The following MAP3K15 variants were observed in gnomAD, a reference collection of about 807,000 sequenced individuals.
MAP3K15 encodes the protein mitogen-activated protein kinase kinase kinase 15, also known as MAPK/ERK kinase kinase 15.
MAP3K15 carries 124 observed loss-of-function variants against 99.5 expected under a neutral mutation model. That is an observed-to-expected ratio of 1.25 (90% CI 1.08 to 1.45). The LOEUF (loss-of-function observed/expected upper bound fraction) is 1.45. Ranked by LOEUF, MAP3K15 falls within the 40% of genes most tolerant of loss-of-function variation. The pLI is 0.00. For missense variants in MAP3K15, 1,242 were observed against 1,079.7 expected, an observed-to-expected ratio of 1.15 and a Z score of -2.11; for synonymous variants, 494 against 439.6, an observed-to-expected ratio of 1.12 and a Z score of -1.55.
chrX:19,372,641 T>G lies in MAP3K15; in HGVS notation c.3108+12A>C, dbSNP rs781483437. ...GAGCGGGAAGAGTCGGTGCCCTCCC[T>G]CGGGCAAATACCTGGGCCACACACT... On this transcript the variant is annotated intron_variant, in intron 22 of 28. Coordinates refer to ENST00000338883, the MANE Select transcript of MAP3K15 (RefSeq NM_001001671.4). The G allele has an allele frequency of 3.4e-6, 4 of 1,191,273 alleles. No individual in the cohort carries two copies. The Admixed American group carries it at 8.9e-5, about 27-fold the overall frequency.
At chrX:19,421,671 A>AT (rs1235109264) in intron 9 of MAP3K15, among the ~76,000 whole-genome samples, 4 of 93,694 alleles carry the variant, frequency 4.3e-5, no homozygotes, top group African/African-American at 2.4e-4. Flanking sequence ...TGGAATTGGA[A>AT]AAAACTACTT....
At chrX:19,483,257 CAAAAAAA>C (rs57191935) in intron 3 of MAP3K15, among the ~76,000 whole-genome samples, 1 of 52,616 alleles carries the variant, frequency 1.9e-5, no homozygotes, top group East Asian at 6.1e-4. Context: ...GACTCCATCT[CAAAAAAA>C]AAAAAAAAAA....
intron 10 of MAP3K15, chrX:19,414,457 G>C (rs73193528): frequency 6.6e-6 from 1 of 152,258 alleles, no homozygotes; most frequent in African/African-American, 3.2e-5. Context: ...AATTCTCAAC[G>C]CATAAATATG....
chrX:19,398,157 T>C, intron 15 of MAP3K15, 69 bp downstream of exon 15: 1 of 1,166,325 alleles, frequency 8.6e-7, no homozygotes, highest in East Asian at 3.0e-5. Flanking sequence ...CTCCACACCA[T>C]GAGCGGTGGG....
Position 19,372,695 on chromosome X carries a change from C to T in MAP3K15, c.3066G>A (p.Glu1022=), listed in dbSNP as rs371131820. The change falls in exon 22 of 29, where the codon GAG becomes GAA. Residue 1022 remains glutamate, a synonymous_variant. Coordinates refer to ENST00000338883, the MANE Select transcript of MAP3K15 (RefSeq NM_001001671.4). ...RAILYKILWE[E]QNQVASNLQE... ...GCAGGTTGGAAGCCACCTGGTTCTG[C>T]TCCTCCCAGAGGATTTTGTACAGGA... 2.5e-6 allele frequency: 3 copies of T among 1,211,395 alleles called. No individual in the cohort carries two copies. The highest frequency in any genetic ancestry group is 5.9e-5 in the East Asian group (2 of 33,799).
chrX:19,439,976 G>C (rs2063948001), intron 6 of MAP3K15, among the ~76,000 whole-genome samples: 1 of 111,504 alleles, frequency 9.0e-6, no homozygotes, highest in African/African-American at 3.3e-5. Context: ...GGAGGCACTG[G>C]GGGCAGAGGG....
At position 19,405,329 on chromosome X, in the gene MAP3K15, A is replaced by G. The variant is rs1162753014; in HGVS notation, c.1844+1859T>C. Among the ~76,000 whole-genome samples the G allele has an allele frequency of 6.3e-5, 7 of 111,942 alleles. No homozygotes were observed. The East Asian group carries it at 2.0e-3, about 31-fold the overall frequency. On this transcript the variant is annotated intron_variant, in intron 13 of 28. Coordinates refer to ENST00000338883, the MANE Select transcript of MAP3K15 (RefSeq NM_001001671.4). ...TGTTATGAGGCACTGAGAAGGACACAACATCATTTCTGTGATATTCCTGCC... is the reference window on the plus strand; with the variant it reads ...TGTTATGAGGCACTGAGAAGGACACGACATCATTTCTGTGATATTCCTGCC...
Position 19,400,618 on chromosome X carries a change from A to T in MAP3K15, c.1890T>A (p.Ser630Arg), listed in dbSNP as rs1263123247. 2 of 1,208,798 alleles carry T rather than the reference A, an allele frequency of 1.7e-6. No individual in the cohort carries two copies. Among genetic ancestry groups the T allele is most frequent in the South Asian group, 3.5e-5 (2 of 56,880 alleles). The change falls in exon 14 of 29, where the codon AGT becomes AGA. Residue 630 changes from serine to arginine, a missense_variant. Physicochemically the swap from Ser to Arg is moderately radical, Grantham distance 110 (BLOSUM62 -1). Coordinates refer to ENST00000338883, the MANE Select transcript of MAP3K15 (RefSeq NM_001001671.4). ...CGGTCTCTCCCTCCAGCTCCACCGT[A>T]CTGCCTGCTGTATTGGTTATCATCT... ...VKEMITNTAG[S>R]TVELEGETDG... is the part of the protein sequence containing the mutation.
At chrX:19,449,698 C>T (rs1262540543) in intron 6 of MAP3K15, among the ~76,000 whole-genome samples, 3 of 109,265 alleles carry the variant, frequency 2.7e-5, no homozygotes, top group African/African-American at 6.5e-5. Context: ...ACCAAACGAT[C>T]GCTTTTTTCT....
chrX:19,413,408 A>G lies in MAP3K15; in HGVS notation c.1647T>C (p.Asn549=). 4 of 1,208,967 alleles carry G rather than the reference A, an allele frequency of 3.3e-6. No individual in the cohort carries two copies. The highest frequency in any genetic ancestry group is 3.4e-6 in the Non-Finnish European group (3 of 893,940). Residue 549 remains asparagine, a synonymous_variant, in exon 11 of 29, where the codon AAT becomes AAC. Coordinates refer to ENST00000338883, the MANE Select transcript of MAP3K15 (RefSeq NM_001001671.4). ...VYQPSYVSIN[N]EAEERTVSLW... ...AAGAAACTGTTCTCTCCTCGGCTTCATTGTTTATGGAAACATAAGAAGGCT... is the reference window on the plus strand; with the variant it reads ...AAGAAACTGTTCTCTCCTCGGCTTCGTTGTTTATGGAAACATAAGAAGGCT...
intron 9 of MAP3K15, among the ~76,000 whole-genome samples, chrX:19,424,141 G>A (rs1444091379): frequency 9.1e-6 from 1 of 109,363 alleles, no homozygotes; most frequent in Non-Finnish European, 1.9e-5. Flanking sequence ...ATAACTAAGA[G>A]TGTAACAGCT....
In MAP3K15 at chrX:19,365,439, A is replaced by C. The variant is rs1240090759; in HGVS notation, c.3567-2589T>G. ...AGCTCTCCATACTTTGTTAAGCCTAAGCATAAAAATGGACAATTTCCCCTG... is the reference window on the plus strand; with the variant it reads ...AGCTCTCCATACTTTGTTAAGCCTACGCATAAAAATGGACAATTTCCCCTG... On this transcript the variant is annotated intron_variant, in intron 25 of 28. Coordinates refer to ENST00000338883, the MANE Select transcript of MAP3K15 (RefSeq NM_001001671.4). Among the ~76,000 whole-genome samples, 7 of 112,103 alleles carry C rather than the reference A, an allele frequency of 6.2e-5. No homozygotes were observed. The Admixed American group carries it at 6.6e-4, about 11-fold the overall frequency.
intron 9 of MAP3K15, among the ~76,000 whole-genome samples, chrX:19,417,638 G>A (rs1160838471): frequency 8.9e-6 from 1 of 112,043 alleles, no homozygotes; most frequent in Non-Finnish European, 1.9e-5. Context: ...CAGACAAAAG[G>A]CATCAGAATC....
chrX:19,369,752 T>TAA (rs199865806), intron 24 of MAP3K15, among the ~76,000 whole-genome samples: 1 of 109,797 alleles, frequency 9.1e-6, no homozygotes, highest in African/African-American at 3.3e-5. Context: ...CCGTCTCTAC[T>TAA]AAAAAAAATT....
intron 18 of MAP3K15, among the ~76,000 whole-genome samples, chrX:19,390,202 A>C (rs1365216160): frequency 9.0e-6 from 1 of 110,867 alleles, no homozygotes; most frequent in Admixed American, 9.8e-5. Context: ...ATAAGACCCA[A>C]GCTGTCCACC....
At chrX:19,413,693 GAA>G (rs2063708715) in intron 10 of MAP3K15, among the ~76,000 whole-genome samples, 2 of 38,065 alleles carry the variant, frequency 5.3e-5, no homozygotes, top group African/African-American at 1.1e-4. Context: ...GGGGGGTGGG[GAA>G]GATGAAAGGA....
chrX:19,447,691 G>A (rs1340367747), intron 6 of MAP3K15, among the ~76,000 whole-genome samples: 22 of 99,352 alleles, frequency 2.2e-4, no homozygotes, highest in African/African-American at 3.9e-4. Flanking sequence ...AGACCATCCC[G>A]GCTAAAAGCG....
At position 19,460,155 on chromosome X, in the gene MAP3K15, T is replaced by C. The variant is rs1198327651; in HGVS notation, c.720-2A>G. The C allele has an allele frequency of 8.6e-7, 1 of 1,168,994 alleles. No homozygotes were observed. The highest frequency in any genetic ancestry group is 1.1e-6 in the Non-Finnish European group (1 of 878,194). On this transcript the variant is annotated splice_acceptor_variant, in intron 4 of 28. Transcript: ENST00000338883. LOFTEE classifies it high-confidence loss of function. ...AACAAGGTTTCTTTGTAATAAACAC[T>C]ATAGAAAGAAAAACACAAAATCCTC...
At position 19,398,360 on chromosome X, in the gene MAP3K15, C is replaced by A; in HGVS notation, c.1933-1G>T. On this transcript the variant is annotated splice_acceptor_variant, in intron 14 of 28. Transcript: ENST00000338883. LOFTEE classifies it high-confidence loss of function. The stretch of plus-strand genomic sequence containing the variant: ...CATTTGCATCATGGTCATACTCATA[C>A]TGAAGAAGGAAAAACAAAAGGACAA... 1 of 1,210,051 alleles carries A rather than the reference C, an allele frequency of 8.3e-7. No individual in the cohort carries two copies. The highest frequency in any genetic ancestry group is 1.8e-5 in the South Asian group (1 of 56,637).
Sources: allele counts gnomAD v4.1 joint callset (sites outside exome capture counted in the v4.1 genomes callset), GRCh38; gene constraint gnomAD v4.1.1; transcripts MANE v1.5; gene names NCBI Gene and HGNC (gene_info 2026-07-23, HGNC 2026-07-21).